The following TTI1 variants were observed in gnomAD, a reference collection of about 807,000 sequenced individuals.
The protein encoded by TTI1 is TELO2 interacting protein 1, also known as TELO2-interacting protein 1 homolog.
A neutral mutation model predicts 85.4 loss-of-function variants in TTI1; 52 were observed. The ratio of observed to expected loss-of-function variants is 0.61; its 90% CI spans 0.49 to 0.77. The LOEUF (loss-of-function observed/expected upper bound fraction) is 0.77. TTI1 is among the 30% of genes least tolerant of loss of function. The probability of loss-of-function intolerance (pLI) is 0.00; values close to 1 mark genes in which losing one functional copy is unlikely to be tolerated. For missense variants in TTI1, 1,173 were observed against 1,296.0 expected (o/e 0.91, Z 1.46); for synonymous variants, 512 against 503.9 (o/e 1.02, Z -0.22).
chr20:38,017,400 T>C (rs1389086883), intron 1 of TTI1, among the ~76,000 whole-genome samples: 2 of 128,462 alleles, frequency 1.6e-5, no homozygotes, highest in African/African-American at 3.3e-5. Flanking sequence ...CAACAATCAA[T>C]AGCTTGTGTG....
At chr20:38,014,233 G>C (rs765960439) in intron 1 of TTI1, among the ~76,000 whole-genome samples, 1 of 152,076 alleles carries the variant, frequency 6.6e-6, no homozygotes, top group Non-Finnish European at 1.5e-5. Context: ...AAACCTTCAG[G>C]TTTCATCTTT....
At chr20:38,015,439 T>A (rs1006942114) in intron 1 of TTI1, among the ~76,000 whole-genome samples, 1 of 152,148 alleles carries the variant, frequency 6.6e-6, no homozygotes, top group African/African-American at 2.4e-5. Flanking sequence ...ACATCCCATG[T>A]GCACTGGCTC....
intron 1 of TTI1, among the ~76,000 whole-genome samples, chr20:38,023,107 C>A (rs1359408829): frequency 1.3e-5 from 2 of 152,092 alleles, no homozygotes; most frequent in African/African-American, 2.4e-5. Flanking sequence ...GTTGAAAAAA[C>A]CCCCATCATA....
intron 1 of TTI1, among the ~76,000 whole-genome samples, chr20:38,014,706 G>A (rs779126442): frequency 1.5e-4 from 23 of 152,072 alleles, no homozygotes; most frequent in Non-Finnish European, 2.8e-4. Context: ...GCAAGCAGGC[G>A]AGCAGGCAAA....
At position 38,013,184 on chromosome 20, in the gene TTI1, A is replaced by G. The variant is rs768557086; in HGVS notation, c.633T>C (p.Pro211=). ...GCCTGGTCAGTGCAGTTGAGATTCCAGGTAAAAAAGAGGCAAACAAATCCC... is the reference window on the plus strand; with the variant it reads ...GCCTGGTCAGTGCAGTTGAGATTCCGGGTAAAAAAGAGGCAAACAAATCCC... ...QLGDLFASFL[P]GISTALTRLI... Residue 211 remains proline (P), a synonymous_variant, in exon 2 of 8, where the codon CCT becomes CCC. Coordinates refer to ENST00000373447, the MANE Select transcript of TTI1 (RefSeq NM_001303457.2). The G allele has an allele frequency of 1.2e-6, 2 of 1,614,068 alleles. No homozygotes were observed. The highest frequency in any genetic ancestry group is 8.5e-7 in the Non-Finnish European group (1 of 1,180,044).
At chr20:37,992,707 T>C (rs929822116) in intron 7 of TTI1, among the ~76,000 whole-genome samples, 6 of 152,126 alleles carry the variant, frequency 3.9e-5, no homozygotes, top group Non-Finnish European at 7.4e-5. Flanking sequence ...TGCTAAGAGA[T>C]TGGCCCAAGG....
chr20:38,019,159 A>C (rs2073727213), intron 1 of TTI1: 1 of 152,094 alleles, frequency 6.6e-6, no homozygotes, highest in Non-Finnish European at 1.5e-5. Context: ...AAAAAAAAAA[A>C]AACAAGGGTG....
intron 4 of TTI1, among the ~76,000 whole-genome samples, chr20:38,001,199 G>T (rs1190741085): frequency 1.3e-5 from 2 of 152,162 alleles, no homozygotes; most frequent in Non-Finnish European, 1.5e-5. Flanking sequence ...TTTAGCACAT[G>T]AATGAGTGTA....
At chr20:38,017,426 G>A (rs558846726) in intron 1 of TTI1, among the ~76,000 whole-genome samples, 10 of 149,736 alleles carry the variant, frequency 6.7e-5, no homozygotes, top group African/African-American at 2.3e-4. Flanking sequence ...GTGTGTGTGT[G>A]TGTGTGTGTG....
At chr20:38,014,301 T>C (rs2073649628) in intron 1 of TTI1, among the ~76,000 whole-genome samples, 1 of 152,206 alleles carries the variant, frequency 6.6e-6, no homozygotes, top group African/African-American at 2.4e-5. Context: ...GCTCAGTGAA[T>C]TTTTGTGTTT....
chr20:38,017,439 C>G (rs1278488106), intron 1 of TTI1, among the ~76,000 whole-genome samples: 1 of 116,332 alleles, frequency 8.6e-6, no homozygotes, highest in African/African-American at 4.0e-5. Context: ...TGTGTGTGCG[C>G]GCGCGCCTTT....
rs762079854 is a variant in TTI1 at position 38,011,888 on chromosome 20, T to C, written c.1929A>G (p.Lys643=). 1.1e-5 allele frequency: 17 copies of C among 1,614,116 alleles called. No individual in the cohort carries two copies. The highest frequency in any genetic ancestry group is 1.3e-5 in the African/African-American group (1 of 74,936). ...CTGACATCAAGAGCAAACAGAAGTC[T>C]TTTCCTAGTGCATATGCAAACTGGC... ...GIGQFAYALG[K]DFCLLLMSAL... Residue 643 remains lysine, a synonymous_variant, in exon 2 of 8, where the codon AAA becomes AAG. Transcript: ENST00000373447.
Position 38,011,713 on chromosome 20 carries a change from T to A in TTI1, c.2104A>T (p.Ile702Phe), listed in dbSNP as rs767015639. ...GCCAGATGACGCAGATTTAAAGAGA[T>A]CCCATTCACTAAATAGTCTGAATTT... ...NQNSDYLVNG[I>F]SLNLRHLALH... is the part of the protein sequence containing the mutation. Residue 702 changes from isoleucine to phenylalanine, a missense_variant, in exon 2 of 8, where the codon ATC becomes TTC. Coordinates refer to ENST00000373447, the MANE Select transcript of TTI1 (RefSeq NM_001303457.2). 2.3e-5 allele frequency: 37 copies of A among 1,614,138 alleles called. No homozygotes were observed. Among genetic ancestry groups the A allele is most frequent in the Non-Finnish European group, 3.1e-5 (37 of 1,180,020 alleles).
chr20:37,987,083 C>A, intron 7 of TTI1: 1 of 443,162 alleles, frequency 2.3e-6, no homozygotes, highest in Non-Finnish European at 4.6e-6. Context: ...GCCTGCTGAA[C>A]TCTAAACACG....
At position 38,013,538 on chromosome 20, in the gene TTI1, G is replaced by A. The variant is rs1050930643; in HGVS notation, c.279C>T (p.Leu93=). 4.3e-6 allele frequency: 7 copies of A among 1,614,054 alleles called. 1 individual carries two copies. The highest frequency in any genetic ancestry group is 1.3e-5 in the African/African-American group (1 of 74,920). The change falls in exon 2 of 8, where the codon CTC becomes CTT. Residue 93 remains leucine (L), a synonymous_variant. Transcript: ENST00000373447. ...SSTCVKEQEL[L]QELFSELSAC... Reference sequence around the variant, plus strand: ...CAGAGAGTTCTGAAAAGAGTTCCTGGAGAAGCTCCTGTTCTTTCACACATG... The same window carrying A: ...CAGAGAGTTCTGAAAAGAGTTCCTGAAGAAGCTCCTGTTCTTTCACACATG...
In TTI1 at chr20:38,012,872, C is replaced by T. The variant is rs2073621115; in HGVS notation, c.945G>A (p.Glu315=). The T allele has an allele frequency of 6.2e-7, 1 of 1,614,194 alleles. No individual in the cohort carries two copies. Among genetic ancestry groups the T allele is most frequent in the African/African-American group, 1.3e-5 (1 of 75,052 alleles). Residue 315 remains glutamate, a synonymous_variant, in exon 2 of 8, where the codon GAG becomes GAA. Coordinates refer to ENST00000373447, the MANE Select transcript of TTI1 (RefSeq NM_001303457.2). The stretch of plus-strand genomic sequence containing the variant: ...ATTGACTGCACTTCAAAAGAAGGTC[C>T]TCCACAAGTTCTACCAGTTCCAGTC... The part of the protein sequence containing the change: ...KVRLELVELV[E]DLLLKCSQSL...
At chr20:38,020,323 A>AAAAATATATATATAT in intron 1 of TTI1, among the ~76,000 whole-genome samples, 146 of 50,336 alleles carry the variant, frequency 2.9e-3, no homozygotes, top group Non-Finnish European at 4.1e-3. Context: ...AAAAAAAAAA[A>AAAAATATATATATAT]ATATATATAT....
Position 38,011,818 on chromosome 20 carries a change from T to G in TTI1, c.1999A>C (p.Ile667Leu). 1 of 1,614,190 alleles carries G rather than the reference T, an allele frequency of 6.2e-7. No individual in the cohort carries two copies. The highest frequency in any genetic ancestry group is 8.5e-7 in the Non-Finnish European group (1 of 1,180,034). ...LEKAGDQTLL[I>L]SQVATSTMMD... ...ATGGTGCTGGTAGCCACCTGACTAA[T>G]GAGTAGGGTTTGGTCTCCAGCCTTC... The change falls in exon 2 of 8, where the codon ATT becomes CTT. Residue 667 changes from isoleucine to leucine, a missense_variant. Physicochemically the swap from Ile to Leu is conservative, Grantham distance 5 (BLOSUM62 2). Coordinates refer to ENST00000373447, the MANE Select transcript of TTI1 (RefSeq NM_001303457.2).
At position 37,983,317 on chromosome 20, in the gene TTI1, G is replaced by C. The variant is rs55960840; in HGVS notation, c.*139C>G. 1.3e-6 allele frequency: 1 copy of C among 783,390 alleles called. No homozygotes were observed. The highest frequency in any genetic ancestry group is 1.8e-5 in the South Asian group (1 of 54,094). 48.5% of individuals were successfully genotyped at this position (783,390 alleles called of 1,614,324 possible). A position where few individuals can be genotyped will look rare whatever the true frequency, so the allele number is the denominator to read the frequency against. Reference sequence around the variant, plus strand: ...TCCATTTCTAAGCAGTTGTGTGATCGATCAATTTATAAATCGATTGGCTAA... The same window carrying C: ...TCCATTTCTAAGCAGTTGTGTGATCCATCAATTTATAAATCGATTGGCTAA... On this transcript the variant is annotated 3_prime_UTR_variant, in exon 8 of 8. Transcript: ENST00000373447.
Sources: gnomAD v4.1 joint callset for allele counts (sites outside exome capture counted in the v4.1 genomes callset) on GRCh38, gnomAD v4.1.1 for gene constraint, MANE v1.5 for transcripts, NCBI Gene and HGNC (gene_info 2026-07-23, HGNC 2026-07-21) for gene names.